The following TGM4 variants were observed in gnomAD, a reference collection of about 807,000 sequenced individuals.
The protein encoded by TGM4 is protein-glutamine gamma-glutamyltransferase 4.
A neutral mutation model predicts 76.3 loss-of-function variants in TGM4; 61 were observed. The ratio of observed to expected loss-of-function variants is 0.80; its 90% CI spans 0.65 to 0.99. The LOEUF is 0.99. Ranked by LOEUF, TGM4 falls within the 50% of genes least tolerant of loss-of-function variation. The pLI, the probability that TGM4 is intolerant of heterozygous loss-of-function variation, is 0.00. For missense variants in TGM4, 794 were observed against 843.2 expected, an observed-to-expected ratio of 0.94 and a Z score of 0.72; for synonymous variants, 337 against 329.8, an observed-to-expected ratio of 1.02 and a Z score of -0.24.
chr3:44,911,333 G>C lies in TGM4; in HGVS notation c.1840G>C (p.Ala614Pro), dbSNP rs1700002833. The C allele has an allele frequency of 6.2e-7, 1 of 1,614,224 alleles. No homozygotes were observed. Among genetic ancestry groups the C allele is most frequent in the African/African-American group, 1.3e-5 (1 of 75,064 alleles). Residue 614 changes from alanine to proline, a missense_variant, in exon 13 of 14, where the codon GCC becomes CCC. Ala to Pro is a conservative substitution (Grantham distance 27). Transcript: ENST00000296125. ...VCNCIFKNTL[A>P]IPLTDVKFSL... ...CAATTGTATCTTCAAGAATACCCTG[G>C]CCATCCCTTTGACTGACGTCAAGTT...
At chr3:44,903,643 T>C in intron 8 of TGM4, 1 of 528,066 alleles carries the variant, frequency 1.9e-6, no homozygotes, top group Non-Finnish European at 3.4e-6. Flanking sequence ...GGTGACGGTC[T>C]CATGAGGTTC....
chr3:44,913,999 A>G lies in TGM4; in HGVS notation c.*274A>G. 5.6e-6 allele frequency: 2 copies of G among 358,966 alleles called. No individual in the cohort carries two copies. Among genetic ancestry groups the G allele is most frequent in the South Asian group, 9.4e-5 (2 of 21,180 alleles). 22.2% of individuals were successfully genotyped at this position (358,966 alleles called of 1,614,324 possible). On this transcript the variant is annotated 3_prime_UTR_variant, in exon 14 of 14. Transcript: ENST00000296125. ...CATGGCCTCAAAAATCAGGGCCACC[A>G]TTGTCTCAATTCAAATCCATAGATT...
intron 9 of TGM4, among the ~76,000 whole-genome samples, chr3:44,905,634 G>A (rs1161219963): frequency 4.6e-5 from 7 of 152,180 alleles, no homozygotes; most frequent in South Asian, 2.1e-4. Flanking sequence ...CATACTTTGC[G>A]GGCTCCACCC....
In TGM4 at chr3:44,901,787, T is replaced by C. The variant is rs1413577523; in HGVS notation, c.833-6T>C. 1 of 1,614,080 alleles carries C rather than the reference T, an allele frequency of 6.2e-7. No homozygotes were observed. The highest frequency in any genetic ancestry group is 2.2e-5 in the East Asian group (1 of 44,876). ...TTGCCAACCACCCCACCCTGGATCA[T>C]TTCAGTGCTGAGAGCGTTGGGCATC... is the stretch of plus-strand genomic sequence containing the variant. On this transcript the variant is annotated splice_region_variant and splice_polypyrimidine_tract_variant and intron_variant, in intron 7 of 13. Transcript: ENST00000296125.
At chr3:44,910,008 G>GT in intron 10 of TGM4, 82 bp from the exon 11 acceptor site, 1 of 1,517,948 alleles carries the variant, frequency 6.6e-7, no homozygotes, top group Non-Finnish European at 8.9e-7. Flanking sequence ...CAGGCAGATG[G>GT]TCTCCTTCTG....
chr3:44,876,216 G>A (rs981121578), intron 1 of TGM4, among the ~76,000 whole-genome samples: 1 of 152,206 alleles, frequency 6.6e-6, no homozygotes, highest in Non-Finnish European at 1.5e-5. Context: ...GGCACAATTT[G>A]ACTTTACTCT....
chr3:44,910,914 G>A (rs77088907), intron 11 of TGM4, 44 bp from the exon 12 acceptor site: 2 of 1,595,044 alleles, frequency 1.3e-6, no homozygotes, highest in South Asian at 1.1e-5. Context: ...ATACTGGGGG[G>A]GTATGATGAA....
In TGM4 at chr3:44,892,187, G is replaced by A. The variant is rs560859258; in HGVS notation, c.431-1390G>A. On this transcript the variant is annotated intron_variant, in intron 4 of 13. Coordinates refer to ENST00000296125, the MANE Select transcript of TGM4 (RefSeq NM_003241.4). Reference sequence around the variant, plus strand: ...GCAGGAGAATCGCTTGAACCTGGGAGGTGGAGGTTGTAGTGAGCTGAGATC... The same window carrying A: ...GCAGGAGAATCGCTTGAACCTGGGAAGTGGAGGTTGTAGTGAGCTGAGATC... 6.6e-5 allele frequency among the ~76,000 whole-genome samples: 10 copies of A among 151,696 alleles called. No homozygotes were observed. In the South Asian group the frequency reaches 2.1e-3, roughly 32 times the overall value.
Position 44,911,188 on chromosome 3 carries a change from C to T in TGM4, c.1776+61C>T, listed in dbSNP as rs560390991. 7.9e-5 allele frequency: 127 copies of T among 1,609,680 alleles called. No individual in the cohort carries two copies. In the African/African-American group the frequency reaches 1.5e-3, roughly 19 times the overall value. On this transcript the variant is annotated intron_variant, in intron 12 of 13. Transcript: ENST00000296125. ...CCTGGAAGTTGGCCATGGAGTGTGA[C>T]GGGGCCCCTAAGAACCCTGAGGGTC... is the stretch of plus-strand genomic sequence containing the variant.
At chr3:44,907,977 CAT>C (rs756450163) in intron 10 of TGM4, among the ~76,000 whole-genome samples, 3 of 152,164 alleles carry the variant, frequency 2.0e-5, no homozygotes, top group Non-Finnish European at 4.4e-5. Context: ...CGTAAGGACT[CAT>C]AGACGAGGGA....
chr3:44,891,581 T>C (rs188626613), intron 4 of TGM4, among the ~76,000 whole-genome samples: 18 of 152,158 alleles, frequency 1.2e-4, no homozygotes, highest in African/African-American at 4.3e-4. Flanking sequence ...AAGTTACATA[T>C]AAGTTGGTTC....
chr3:44,903,019 A>G (rs539967472), intron 8 of TGM4, among the ~76,000 whole-genome samples: 1 of 152,368 alleles, frequency 6.6e-6, no homozygotes, highest in South Asian at 2.1e-4. Context: ...GAAAGACTTG[A>G]AACTTTTGGA....
rs905784352 is a variant in TGM4 at position 44,874,635 on chromosome 3, A to G, written c.-44A>G. The G allele has an allele frequency of 2.5e-6, 4 of 1,613,446 alleles. No individual in the cohort carries two copies. ...CGACTGTGTGGAAGCACCAGGCATC[A>G]GAGATAGAGTCTTCCCTGGCATTGC... On this transcript the variant is annotated 5_prime_UTR_variant, in exon 1 of 14. Coordinates refer to ENST00000296125, the MANE Select transcript of TGM4 (RefSeq NM_003241.4).
intron 4 of TGM4, among the ~76,000 whole-genome samples, chr3:44,891,662 A>G (rs1180988881): frequency 6.6e-6 from 1 of 152,224 alleles, no homozygotes; most frequent in Non-Finnish European, 1.5e-5. Flanking sequence ...ACCACAGTAC[A>G]GTTATCAACT....
rs775687985 is a variant in TGM4 at position 44,887,796 on chromosome 3, G to A, written c.300+1G>A. On this transcript the variant is annotated splice_donor_variant, in intron 3 of 13. Coordinates refer to ENST00000296125, the MANE Select transcript of TGM4 (RefSeq NM_003241.4). LOFTEE classifies it high-confidence loss of function. Reference sequence around the variant, plus strand: ...CCTTCAAAATGAGTCTGGCAAAGAGGTGAGCACCCACTGGGCTGGCGGGTG... The same window carrying A: ...CCTTCAAAATGAGTCTGGCAAAGAGATGAGCACCCACTGGGCTGGCGGGTG... The A allele has an allele frequency of 9.9e-6, 16 of 1,613,960 alleles. No individual in the cohort carries two copies. In the East Asian group the frequency reaches 1.3e-4, roughly 13 times the overall value.
At chr3:44,904,014 G>T (rs1255506202) in intron 9 of TGM4, 27 bp downstream of exon 9, 3 of 1,590,814 alleles carry the variant, frequency 1.9e-6, no homozygotes, top group Non-Finnish European at 2.6e-6. Flanking sequence ...AAGGCGCTGG[G>T]CATCCATGCT....
chr3:44,885,522 TG>T, intron 2 of TGM4, 24 bp downstream of exon 2: 1 of 1,596,964 alleles, frequency 6.3e-7, no homozygotes, highest in African/African-American at 1.3e-5. Context: ...GCCCTACTCA[TG>T]GGGCTTTGGG....
At chr3:44,912,500 T>C (rs1312206400) in intron 13 of TGM4, among the ~76,000 whole-genome samples, 1 of 152,222 alleles carries the variant, frequency 6.6e-6, no homozygotes, top group Non-Finnish European at 1.5e-5. Flanking sequence ...TAAATTATTG[T>C]AGTCCTATAA....
In TGM4 at chr3:44,914,754, T is replaced by C. The variant is rs1278405316; in HGVS notation, c.*1029T>C. 6.6e-6 allele frequency: 1 copy of C among 152,086 alleles called. No homozygotes were observed. The highest frequency in any genetic ancestry group is 1.5e-5 in the Non-Finnish European group (1 of 68,038). 9.4% of individuals were successfully genotyped at this position (152,086 alleles called of 1,614,324 possible). Reference sequence around the variant, plus strand: ...GCTTCTTTATTGTCTGTTCAGTACATCCAACCCCTCTCTCAAAGGCTGTCA... The same window carrying C: ...GCTTCTTTATTGTCTGTTCAGTACACCCAACCCCTCTCTCAAAGGCTGTCA... On this transcript the variant is annotated 3_prime_UTR_variant, in exon 14 of 14. Coordinates refer to ENST00000296125, the MANE Select transcript of TGM4 (RefSeq NM_003241.4).
Sources: gnomAD v4.1 joint callset for allele counts (sites outside exome capture counted in the v4.1 genomes callset) on GRCh38, gnomAD v4.1.1 for gene constraint, MANE v1.5 for transcripts, NCBI Gene and HGNC (gene_info 2026-07-23, HGNC 2026-07-21) for gene names.